Variants in TBC1D8 observed in about 807,000 individuals in gnomAD.
TBC1D8 encodes the protein TBC1 domain family member 8, also known as BUB2-like protein 1.
TBC1D8 carries 65 observed loss-of-function variants against 118.8 expected under a neutral mutation model. That is an observed-to-expected ratio of 0.55 (90% CI 0.45 to 0.67). The LOEUF is 0.67. Among genes scored for constraint, TBC1D8 ranks in the 30% least tolerant of loss-of-function variants. TBC1D8 has a pLI of 0.00. For missense variants in TBC1D8, 1,376 were observed against 1,471.2 expected, an observed-to-expected ratio of 0.94 and a Z score of 1.06; for synonymous variants, 566 against 595.8, an observed-to-expected ratio of 0.95 and a Z score of 0.73.
At chr2:101,145,116 C>A (rs1679265998) in intron 1 of TBC1D8, among the ~76,000 whole-genome samples, 1 of 152,092 alleles carries the variant, frequency 6.6e-6, no homozygotes, top group African/African-American at 2.4e-5. Context: ...AAAAGGCCAC[C>A]CTCCAGTATC....
intron 1 of TBC1D8, among the ~76,000 whole-genome samples, chr2:101,092,347 T>C (rs1332767041): frequency 6.6e-6 from 1 of 152,234 alleles, no homozygotes; most frequent in Admixed American, 6.5e-5. Context: ...AGGTGGCAGA[T>C]GACCTCTACT....
intron 1 of TBC1D8, among the ~76,000 whole-genome samples, chr2:101,094,438 GA>G (rs1442604159): frequency 1.3e-5 from 2 of 152,158 alleles, no homozygotes; most frequent in Non-Finnish European, 2.9e-5. Flanking sequence ...ATGAAGATCA[GA>G]AAGGGGCTAA....
At chr2:101,072,142 A>C (rs146463783) in intron 2 of TBC1D8, among the ~76,000 whole-genome samples, 2 of 152,316 alleles carry the variant, frequency 1.3e-5, no homozygotes, top group Non-Finnish European at 2.9e-5. Context: ...TTTTCTGAGC[A>C]TTAGGTCTCA....
At chr2:101,142,316 CATTGAAT>C (rs1396597170) in intron 1 of TBC1D8, among the ~76,000 whole-genome samples, 2 of 152,206 alleles carry the variant, frequency 1.3e-5, no homozygotes, top group African/African-American at 2.4e-5. Context: ...TGCTGACCCA[CATTGAAT>C]ATACAGCATG....
intron 19 of TBC1D8, among the ~76,000 whole-genome samples, chr2:101,009,962 C>T (rs905451480): frequency 6.6e-6 from 1 of 151,846 alleles, no homozygotes; most frequent in South Asian, 2.1e-4. Context: ...GCTGGGACTA[C>T]AGGCGCCCGC....
chr2:101,117,383 C>T (rs1677866268), intron 1 of TBC1D8, among the ~76,000 whole-genome samples: 1 of 152,148 alleles, frequency 6.6e-6, no homozygotes, highest in Admixed American at 6.5e-5. Context: ...CTGACCATCT[C>T]ACCCAGCCAA....
intron 1 of TBC1D8, among the ~76,000 whole-genome samples, chr2:101,120,371 C>T (rs1678046288): frequency 6.6e-6 from 1 of 152,186 alleles, no homozygotes; most frequent in Non-Finnish European, 1.5e-5. Flanking sequence ...GCTCTGGAAT[C>T]CCCTGGGGAG....
At chr2:101,107,141 T>C (rs1017169998) in intron 1 of TBC1D8, among the ~76,000 whole-genome samples, 2 of 152,128 alleles carry the variant, frequency 1.3e-5, no homozygotes, top group African/African-American at 4.8e-5. Context: ...ACTTCTGCAG[T>C]AGGAGCTTAT....
At chr2:101,008,969 G>A (rs1678963532) in intron 19 of TBC1D8, among the ~76,000 whole-genome samples, 1 of 152,340 alleles carries the variant, frequency 6.6e-6, no homozygotes, top group South Asian at 2.1e-4. Context: ...AATGTAAAAT[G>A]AAATGGAAGA....
At chr2:101,012,481 G>C (rs999787551) in intron 17 of TBC1D8, among the ~76,000 whole-genome samples, 3 of 152,202 alleles carry the variant, frequency 2.0e-5, no homozygotes, top group African/African-American at 7.2e-5. Context: ...GTCCAGGACA[G>C]GCAAATCTAC....
At chr2:101,060,464 G>A (rs1205826321) in intron 2 of TBC1D8, among the ~76,000 whole-genome samples, 3 of 152,106 alleles carry the variant, frequency 2.0e-5, no homozygotes, top group African/African-American at 4.8e-5. Flanking sequence ...GAGGTCTTAC[G>A]GTACATGTTA....
intron 2 of TBC1D8, among the ~76,000 whole-genome samples, chr2:101,065,167 C>A (rs1682950009): frequency 6.6e-6 from 1 of 152,220 alleles, no homozygotes; most frequent in South Asian, 2.1e-4. Context: ...GCAGCTGCTT[C>A]TCTCTGCACA....
chr2:101,020,928 T>G (rs1679993306), intron 17 of TBC1D8, among the ~76,000 whole-genome samples: 1 of 152,094 alleles, frequency 6.6e-6, no homozygotes. Context: ...GGTTTGGTAC[T>G]ATCCACAGTT....
At chr2:101,012,224 C>T (rs1224407936) in intron 17 of TBC1D8, among the ~76,000 whole-genome samples, 3 of 152,198 alleles carry the variant, frequency 2.0e-5, no homozygotes, top group Non-Finnish European at 2.9e-5. Flanking sequence ...CCCAAGAGAA[C>T]TGAAAGTGTT....
intron 1 of TBC1D8, among the ~76,000 whole-genome samples, chr2:101,111,539 G>T (rs1274113647): frequency 6.6e-6 from 1 of 152,226 alleles, no homozygotes; most frequent in African/African-American, 2.4e-5. Flanking sequence ...CTCAAGAACA[G>T]AATGAGCAGT....
Position 101,038,481 on chromosome 2 carries a change from T to C in TBC1D8, c.1255A>G (p.Thr419Ala), listed in dbSNP as rs1473746827. 8.7e-6 allele frequency: 14 copies of C among 1,613,320 alleles called. No homozygotes were observed. Among genetic ancestry groups the C allele is most frequent in the Non-Finnish European group, 1.1e-5 (13 of 1,179,828 alleles). ...CATACCATGTCATCATCCGCAGAGGTGTCGTAGTGCACGGGGTGGTTGGCG... is the reference window on the plus strand; with the variant it reads ...CATACCATGTCATCATCCGCAGAGGCGTCGTAGTGCACGGGGTGGTTGGCG... ...VHANHPVHYD[T>A]SADDDMASLV... Residue 419 changes from threonine (T) to alanine (A), a missense_variant, in exon 7 of 20, where the codon ACC (threonine) becomes GCC (alanine). Thr to Ala is a moderately conservative substitution (Grantham distance 58, BLOSUM62 0). Transcript: ENST00000409318.
At position 101,054,672 on chromosome 2, in the gene TBC1D8, C is replaced by CTTTTTTTTTTTTTT. The variant is rs34465252; in HGVS notation, c.403-350_403-337dup. ...ACAAACAATCATTTTCTTTTCTTTTCTTTTTTTTTTTTTTTTTTTTTTTTT... is the reference window on the plus strand; with the variant it reads ...ACAAACAATCATTTTCTTTTCTTTTCTTTTTTTTTTTTTTTTTTTTTTTTTTTTTTTTTTTTTTT... On this transcript the variant is annotated intron_variant, in intron 3 of 19. Coordinates refer to ENST00000409318, the MANE Select transcript of TBC1D8 (RefSeq NM_001330348.2). Among the ~76,000 whole-genome samples, 40 of 25,404 alleles carry CTTTTTTTTTTTTTT rather than the reference C, an allele frequency of 1.6e-3. 2 individuals carry two copies. Among genetic ancestry groups the CTTTTTTTTTTTTTT allele is most frequent in the East Asian group, 4.6e-3 (3 of 648 alleles). The allele number at this position is 25,404 out of a possible 152,430, so 16.7% of individuals were successfully genotyped here. A position where few individuals can be genotyped will look rare whatever the true frequency, so the allele number is the denominator to read the frequency against.
chr2:101,098,496 A>G (rs913131185), intron 1 of TBC1D8, among the ~76,000 whole-genome samples: 3 of 152,232 alleles, frequency 2.0e-5, no homozygotes, highest in Non-Finnish European at 2.9e-5. Context: ...ACTTGAACTC[A>G]GGTCTGAACC....
In TBC1D8 at chr2:101,022,382, G is replaced by T; in HGVS notation, c.2660C>A (p.Thr887Asn). ...AHLFQLVSPW[T>N]CGAHTEILAE... The stretch of plus-strand genomic sequence containing the variant: ...GAGGATCTCCGTGTGGGCCCCGCAG[G>T]TCCAGGGCGAGACTAGCTGAAACAG... Residue 887 changes from threonine (T) to asparagine (N), a missense_variant, in exon 16 of 20, where the codon ACC becomes AAC. Transcript: ENST00000409318. The T allele has an allele frequency of 1.2e-6, 2 of 1,613,524 alleles. No individual in the cohort carries two copies. Among genetic ancestry groups the T allele is most frequent in the Non-Finnish European group, 1.7e-6 (2 of 1,179,702 alleles).
Sources: gnomAD v4.1 joint callset for allele counts (sites outside exome capture counted in the v4.1 genomes callset) on GRCh38, gnomAD v4.1.1 for gene constraint, MANE v1.5 for transcripts, NCBI Gene and HGNC (gene_info 2026-07-23, HGNC 2026-07-21) for gene names.